The following TSPAN3 variants were observed in gnomAD, a reference collection of about 807,000 sequenced individuals.
The protein encoded by TSPAN3 is tetraspanin-3.
In TSPAN3, 9 loss-of-function variants were observed where a neutral mutation model predicts 31.1. The observed-to-expected ratio is 0.29, with a 90% CI of 0.17 to 0.50. The LOEUF is 0.50. Ranked by LOEUF, TSPAN3 falls within the 20% of genes least tolerant of loss-of-function variation. The pLI, the probability that TSPAN3 is intolerant of heterozygous loss-of-function variation, is 0.98. For synonymous variants in TSPAN3, 129 were observed against 114.3 expected, an observed-to-expected ratio of 1.13 and a Z score of -0.82; for missense variants, 252 against 313.5, an observed-to-expected ratio of 0.80 and a Z score of 1.48.
At chr15:77,067,227 T>C (rs2076839052) in intron 1 of TSPAN3, among the ~76,000 whole-genome samples, 1 of 152,162 alleles carries the variant, frequency 6.6e-6, no homozygotes, top group South Asian at 2.1e-4. Context: ...TAAGACAAAT[T>C]TCAGGATTTT....
intron 1 of TSPAN3, among the ~76,000 whole-genome samples, chr15:77,060,019 A>T (rs1382549380): frequency 6.6e-6 from 1 of 152,222 alleles, no homozygotes; most frequent in East Asian, 1.9e-4. Flanking sequence ...CCAGATGCAC[A>T]ACAAATGCAA....
chr15:77,068,047 A>G (rs1021295615), intron 1 of TSPAN3: 1 of 152,208 alleles, frequency 6.6e-6, no homozygotes, highest in African/African-American at 2.4e-5. Context: ...TATGCCATGT[A>G]AAGTGTTTAG....
chr15:77,051,529 A>G (rs958781484), intron 6 of TSPAN3, among the ~76,000 whole-genome samples: 3 of 139,438 alleles, frequency 2.2e-5, no homozygotes, highest in African/African-American at 5.2e-5. Context: ...ACTCTGTCGT[A>G]AAAAAAAAAA....
At chr15:77,053,428 A>T (rs1275172808) in intron 4 of TSPAN3, among the ~76,000 whole-genome samples, 1 of 134,734 alleles carries the variant, frequency 7.4e-6, no homozygotes, top group African/African-American at 2.8e-5. Flanking sequence ...AGCCTGGGCA[A>T]CAAGAGTGAA....
Position 77,045,748 on chromosome 15 carries a change from C to T in TSPAN3, c.*1087G>A, listed in dbSNP as rs984699017. ...ACTGCAGTGTGAAAATTATCTTCTC[C>T]TATGTATGTCTCCTATACTAGGACT... On this transcript the variant is annotated 3_prime_UTR_variant, in exon 7 of 7. Transcript: ENST00000267970. The T allele has an allele frequency of 6.6e-6, 1 of 152,206 alleles. No individual in the cohort carries two copies. Among genetic ancestry groups the T allele is most frequent in the Non-Finnish European group, 1.5e-5 (1 of 68,070 alleles). 9.4% of individuals were successfully genotyped at this position (152,206 alleles called of 1,614,324 possible). A position where few individuals can be genotyped will look rare whatever the true frequency, so the allele number is the denominator to read the frequency against.
intron 1 of TSPAN3, among the ~76,000 whole-genome samples, chr15:77,061,260 G>A (rs540440642): frequency 1.3e-5 from 2 of 152,308 alleles, no homozygotes; most frequent in African/African-American, 4.8e-5. Flanking sequence ...AGGCGCAGTA[G>A]CTCACACCAG....
intron 1 of TSPAN3, chr15:77,068,074 T>C (rs1017957037): frequency 1.3e-5 from 2 of 152,200 alleles, no homozygotes; most frequent in East Asian, 1.9e-4. Flanking sequence ...GCCTGGGGTA[T>C]AGTAACTCAA....
Position 77,046,628 on chromosome 15 carries a change from G to T in TSPAN3, c.*207C>A. 1 of 551,660 alleles carries T rather than the reference G, an allele frequency of 1.8e-6. No homozygotes were observed. The highest frequency in any genetic ancestry group is 3.2e-6 in the Non-Finnish European group (1 of 312,056). 34.2% of individuals were successfully genotyped at this position (551,660 alleles called of 1,614,324 possible). On this transcript the variant is annotated 3_prime_UTR_variant, in exon 7 of 7. Coordinates refer to ENST00000267970, the MANE Select transcript of TSPAN3 (RefSeq NM_005724.6). ...GTTCACCATCGTACTTAAAATCTTA[G>T]GGGCATGAAGAGTCAGCTAGAACAA...
intron 1 of TSPAN3, among the ~76,000 whole-genome samples, chr15:77,060,194 T>C (rs1416785173): frequency 1.3e-5 from 2 of 152,232 alleles, no homozygotes; most frequent in African/African-American, 2.4e-5. Context: ...ACTTACTAGT[T>C]GCACACACCA....
intron 1 of TSPAN3, among the ~76,000 whole-genome samples, chr15:77,060,420 TAA>T (rs948403659): frequency 6.6e-6 from 1 of 152,118 alleles, no homozygotes; most frequent in African/African-American, 2.4e-5. Flanking sequence ...GCTGAAGACC[TAA>T]AAACAGCCAA....
rs375258110 is a variant in TSPAN3 at position 77,054,242 on chromosome 15, T to C, written c.368A>G (p.Tyr123Cys). The stretch of plus-strand genomic sequence containing the variant: ...AGGGTTGGTTCCATTGTAGGTCTTA[T>C]ACACTTTCTGAATGCTGCGATCAAC... ...NEVDRSIQKVYKTYNGTNPDA... is the reference protein window; with the variant it reads ...NEVDRSIQKVCKTYNGTNPDA... The change falls in exon 4 of 7, where the codon TAT becomes TGT. Residue 123 changes from tyrosine (Y) to cysteine (C), a missense_variant. By Grantham distance (194) the Tyr-to-Cys change is radical. Transcript: ENST00000267970. 128 of 1,613,800 alleles carry C rather than the reference T, an allele frequency of 7.9e-5. No homozygotes were observed. Among genetic ancestry groups the C allele is most frequent in the Non-Finnish European group, 9.8e-5 (116 of 1,179,872 alleles).
chr15:77,053,046 A>G (rs2076742066), intron 4 of TSPAN3, 117 bp from the exon 5 acceptor site: 1 of 1,029,700 alleles, frequency 9.7e-7, no homozygotes, highest in Non-Finnish European at 1.4e-6. Flanking sequence ...ACAACTTTCT[A>G]TAATGGAAAG....
intron 6 of TSPAN3, 40 bp from the exon 7 acceptor site, chr15:77,046,967 AC>A (rs1236642879): frequency 1.4e-6 from 2 of 1,478,792 alleles, no homozygotes; most frequent in African/African-American, 2.8e-5. Context: ...AAGGCTGAAA[AC>A]CCTCTCATGG....
chr15:77,061,528 C>CA (rs2076800664), intron 1 of TSPAN3, among the ~76,000 whole-genome samples: 1 of 150,358 alleles, frequency 6.7e-6, no homozygotes, highest in African/African-American at 2.4e-5. Flanking sequence ...AACTCAGTCT[C>CA]AAAAAATTAA....
chr15:77,056,356 T>C lies in TSPAN3; in HGVS notation c.64-101A>G, dbSNP rs1462123811. 4 of 893,982 alleles carry C rather than the reference T, an allele frequency of 4.5e-6. No homozygotes were observed. The East Asian group carries it at 1.2e-4, about 26-fold the overall frequency. The allele number at this position is 893,982 out of a possible 1,614,324, so 55.4% of individuals were successfully genotyped here. On this transcript the variant is annotated intron_variant, in intron 1 of 6. Coordinates refer to ENST00000267970, the MANE Select transcript of TSPAN3 (RefSeq NM_005724.6). ...ATTTAATGAGAGTTACCGTAACTGT[T>C]ATAGACTTTTTTCAGTAAAGCTGAA...
At chr15:77,070,574 G>A (rs1379414984) in intron 1 of TSPAN3, among the ~76,000 whole-genome samples, 2 of 144,054 alleles carry the variant, frequency 1.4e-5, no homozygotes, top group East Asian at 2.0e-4. Context: ...CCGTCCAGCC[G>A]GCGACTCCGG....
chr15:77,053,178 T>C (rs1596160485), intron 4 of TSPAN3, among the ~76,000 whole-genome samples: 1 of 151,956 alleles, frequency 6.6e-6, no homozygotes, highest in Admixed American at 6.5e-5. Context: ...ACATGGCTAG[T>C]GGCTCCAGAA....
chr15:77,055,991 A>C, intron 2 of TSPAN3, 73 bp downstream of exon 2: 2 of 1,524,208 alleles, frequency 1.3e-6, no homozygotes, highest in Non-Finnish European at 1.8e-6. Flanking sequence ...CAACTATAAG[A>C]GCCAAGGAGT....
chr15:77,050,175 C>A (rs1323782167), intron 6 of TSPAN3, among the ~76,000 whole-genome samples: 1 of 152,202 alleles, frequency 6.6e-6, no homozygotes. Context: ...ACCCAGGGCA[C>A]CAATCTATCA....
Sources: allele counts gnomAD v4.1 joint callset (sites outside exome capture counted in the v4.1 genomes callset), GRCh38; gene constraint gnomAD v4.1.1; transcripts MANE v1.5; gene names NCBI Gene and HGNC (gene_info 2026-07-23, HGNC 2026-07-21).